The following CDC42SE2 variants were observed in gnomAD, a reference collection of about 807,000 sequenced individuals.
CDC42SE2 encodes CDC42 small effector 2, also known as CDC42 small effector protein 2.
A neutral mutation model predicts 11.5 loss-of-function variants in CDC42SE2; 3 were observed. The ratio of observed to expected loss-of-function variants is 0.26; its 90% CI spans 0.12 to 0.67. The LOEUF (loss-of-function observed/expected upper bound fraction) is 0.67. Ranked by LOEUF, CDC42SE2 falls within the 30% of genes least tolerant of loss-of-function variation. CDC42SE2 has a pLI of 0.80. For missense variants in CDC42SE2, 82 were observed against 106.8 expected, an observed-to-expected ratio of 0.77 and a Z score of 1.02; for synonymous variants, 33 against 34.8, an observed-to-expected ratio of 0.95 and a Z score of 0.18.
chr5:131,302,260 A>G (rs1580740895), intron 1 of CDC42SE2, among the ~76,000 whole-genome samples: 3 of 150,566 alleles, frequency 2.0e-5, no homozygotes, highest in Non-Finnish European at 3.0e-5. Context: ...GCTCACTGCA[A>G]CCTCCGCCTC....
rs1441911781 is a variant in CDC42SE2, at chr5:131,392,244, C to A, written c.*1153C>A. ...GACCTGCTATTATTTGTTAATTTGCCATCATTTATGTATATTTTGGAAGGT... is the reference window on the plus strand; with the variant it reads ...GACCTGCTATTATTTGTTAATTTGCAATCATTTATGTATATTTTGGAAGGT... On this transcript the variant is annotated 3_prime_UTR_variant, in exon 5 of 5. Transcript: ENST00000505065. 6.6e-6 allele frequency: 1 copy of A among 152,522 alleles called. No individual in the cohort carries two copies. The highest frequency in any genetic ancestry group is 1.5e-5 in the Non-Finnish European group (1 of 68,024). The allele number at this position is 152,522 out of a possible 1,614,324, so 9.4% of individuals were successfully genotyped here.
intron 2 of CDC42SE2, among the ~76,000 whole-genome samples, chr5:131,258,381 A>G (rs1756695145): frequency 1.3e-5 from 2 of 152,100 alleles, no homozygotes; most frequent in Admixed American, 6.5e-5. Context: ...TACTTGCCAT[A>G]TATAGATGTT....
rs1431584693 is a variant in CDC42SE2 at position 131,394,251 on chromosome 5, G to GACTT, written c.*3162_*3165dup. 6.6e-6 allele frequency: 1 copy of GACTT among 152,314 alleles called. No homozygotes were observed. Among genetic ancestry groups the GACTT allele is most frequent in the Non-Finnish European group, 1.5e-5 (1 of 68,034 alleles). 9.4% of individuals were successfully genotyped at this position (152,314 alleles called of 1,614,324 possible). A position where few individuals can be genotyped will look rare whatever the true frequency, so the allele number is the denominator to read the frequency against. On this transcript the variant is annotated 3_prime_UTR_variant, in exon 5 of 5. Coordinates refer to ENST00000505065, the MANE Select transcript of CDC42SE2 (RefSeq NM_001375635.1). ...CAAATGTTAAGCAAGGGAAACTGAA[G>GACTT]ACTTAGTCATGTGGATTGTTAGCAG...
At chr5:131,262,926 G>T (rs1756761733), upstream of CDC42SE2, among the ~76,000 whole-genome samples, 1 of 150,656 alleles carries the variant, frequency 6.6e-6, no homozygotes, top group Non-Finnish European at 1.5e-5. Context: ...GGGATGAAAG[G>T]AAAAATAGTA....
At chr5:131,268,266 G>T (rs577951215) in intron 1 of CDC42SE2, among the ~76,000 whole-genome samples, 70 of 151,210 alleles carry the variant, frequency 4.6e-4, no homozygotes, top group Admixed American at 2.8e-3. Context: ...TTTCTCCATG[G>T]TCATCAGGCT....
the CDC42SE2 span, among the ~76,000 whole-genome samples, chr5:131,233,085 C>A: frequency 6.6e-6 from 1 of 152,078 alleles, no homozygotes; most frequent in Non-Finnish European, 1.5e-5. Context: ...GTAATGTGTG[C>A]ATATACAAAC....
chr5:131,251,578 GA>G (rs778227999), intron 1 of CDC42SE2, among the ~76,000 whole-genome samples: 29 of 151,990 alleles, frequency 1.9e-4, no homozygotes, highest in Admixed American at 8.5e-4. Flanking sequence ...ACTAAAAAAA[GA>G]AAAAAAATTG....
intron 1 of CDC42SE2, among the ~76,000 whole-genome samples, chr5:131,312,532 C>T (rs1442387849): frequency 4.6e-5 from 7 of 152,146 alleles, no homozygotes; most frequent in Non-Finnish European, 8.8e-5. Flanking sequence ...GGTGCCCCTC[C>T]CCCAGCCTGG....
rs1162217061 is a variant in CDC42SE2 at position 131,391,940 on chromosome 5, C to G, written c.*849C>G. 6.6e-6 allele frequency: 1 copy of G among 152,224 alleles called. No individual in the cohort carries two copies. Among genetic ancestry groups the G allele is most frequent in the Non-Finnish European group, 1.5e-5 (1 of 68,028 alleles). 9.4% of individuals were successfully genotyped at this position (152,224 alleles called of 1,614,324 possible). A position where few individuals can be genotyped will look rare whatever the true frequency, so the allele number is the denominator to read the frequency against. On this transcript the variant is annotated 3_prime_UTR_variant, in exon 5 of 5. Transcript: ENST00000505065. ...AAGAAGTGTGATGGCACCTTGTCCA[C>G]CCTGTCGTGATTATTCCAGTGAGAT...
chr5:131,392,752 T>TTTTA lies in CDC42SE2; in HGVS notation c.*1665_*1668dup, dbSNP rs961761141. ...TGTTCGTTTCTTTGTGCACTCATTCTTTTATTTTTACTTCTTTTTAATGTT... is the reference window on the plus strand; with the variant it reads ...TGTTCGTTTCTTTGTGCACTCATTCTTTTATTTATTTTTACTTCTTTTTAATGTT... On this transcript the variant is annotated 3_prime_UTR_variant, in exon 5 of 5. Coordinates refer to ENST00000505065, the MANE Select transcript of CDC42SE2 (RefSeq NM_001375635.1). The TTTTA allele has an allele frequency of 4.6e-5, 7 of 152,318 alleles. No homozygotes were observed. The highest frequency in any genetic ancestry group is 1.4e-4 in the African/African-American group (6 of 41,452). The allele number at this position is 152,318 out of a possible 1,614,324, so 9.4% of individuals were successfully genotyped here.
chr5:131,390,134 C>T (rs958447231), intron 4 of CDC42SE2, among the ~76,000 whole-genome samples: 1 of 152,176 alleles, frequency 6.6e-6, no homozygotes. Context: ...GCCTGATACT[C>T]AGAGAGGATA....
the CDC42SE2 span, among the ~76,000 whole-genome samples, chr5:131,220,972 C>T: frequency 2.0e-5 from 3 of 151,558 alleles, no homozygotes; most frequent in South Asian, 6.3e-4. Flanking sequence ...GCAGCCTCCA[C>T]CTCCTGGGTT....
intron 2 of CDC42SE2, among the ~76,000 whole-genome samples, chr5:131,322,219 A>C (rs1466133355): frequency 6.6e-6 from 1 of 152,186 alleles, no homozygotes; most frequent in Non-Finnish European, 1.5e-5. Flanking sequence ...TTCTGAGTGT[A>C]CAGTTGAGTA....
At chr5:131,254,556 A>T (rs552323291) in intron 1 of CDC42SE2, among the ~76,000 whole-genome samples, 1 of 150,956 alleles carries the variant, frequency 6.6e-6, no homozygotes, top group Non-Finnish European at 1.5e-5. Context: ...AAAAAAAAAG[A>T]GAGACAGAAA....
At chr5:131,231,044 G>A in the CDC42SE2 span, among the ~76,000 whole-genome samples, 2 of 152,060 alleles carry the variant, frequency 1.3e-5, no homozygotes, top group Admixed American at 6.6e-5. Context: ...GGGATTTTAC[G>A]TAAATGTTTA....
intron 1 of CDC42SE2, among the ~76,000 whole-genome samples, chr5:131,309,189 A>G (rs1489690190): frequency 2.0e-5 from 3 of 152,196 alleles, no homozygotes; most frequent in Admixed American, 1.3e-4. Context: ...CCTTTTCTGC[A>G]TCTATTGAGA....
intron 1 of CDC42SE2, among the ~76,000 whole-genome samples, chr5:131,286,763 C>T (rs1757350393): frequency 6.6e-6 from 1 of 151,762 alleles, no homozygotes; most frequent in South Asian, 2.1e-4. Context: ...ATTTTCTTAA[C>T]ATTTTCTTTT....
chr5:131,363,176 A>T (rs1189361834), intron 3 of CDC42SE2, among the ~76,000 whole-genome samples: 3 of 151,972 alleles, frequency 2.0e-5, no homozygotes, highest in Non-Finnish European at 4.4e-5. Context: ...TGTTGACAGA[A>T]CTATAGTGAA....
At chr5:131,263,528 A>G (rs1179578639), upstream of CDC42SE2, 1 of 152,166 alleles carries the variant, frequency 6.6e-6, no homozygotes, top group Non-Finnish European at 1.5e-5. Flanking sequence ...CCAGTTAATG[A>G]CTGATTGAAC....
Sources: gnomAD v4.1 joint callset for allele counts (sites outside exome capture counted in the v4.1 genomes callset) on GRCh38, gnomAD v4.1.1 for gene constraint, MANE v1.5 for transcripts, NCBI Gene and HGNC (gene_info 2026-07-23, HGNC 2026-07-21) for gene names.